The following AKIRIN2 variants were observed in gnomAD, a reference collection of about 807,000 sequenced individuals.
The protein encoded by AKIRIN2 is akirin 2.
In AKIRIN2, 6 loss-of-function variants were observed where a neutral mutation model predicts 29.3. The ratio of observed to expected loss-of-function variants is 0.20; its 90% CI spans 0.11 to 0.40. AKIRIN2 has a LOEUF of 0.40. AKIRIN2 is among the 10% of genes least tolerant of loss of function. The probability of loss-of-function intolerance (pLI) is 1.00; values close to 1 mark genes in which losing one functional copy is unlikely to be tolerated. For missense variants in AKIRIN2, 210 were observed against 276.1 expected (o/e 0.76, Z 1.70); for synonymous variants, 128 against 117.5 (o/e 1.09, Z -0.58).
At chr6:87,686,772 G>A (rs1771194264) in intron 1 of AKIRIN2, among the ~76,000 whole-genome samples, 2 of 152,072 alleles carry the variant, frequency 1.3e-5, no homozygotes, top group African/African-American at 2.4e-5. Flanking sequence ...GTGGCCGGGC[G>A]CGGTAGTTCA....
Position 87,677,982 on chromosome 6 carries a change from G to A in AKIRIN2, c.380-15C>T, listed in dbSNP as rs1349258539. ...AGATGAAGTCCCTATGTACAATGAG[G>A]ACAAAAAATAGCACCTGGTTTAGAG... is the stretch of plus-strand genomic sequence containing the variant. On this transcript the variant is annotated splice_polypyrimidine_tract_variant and intron_variant, in intron 2 of 4. Transcript: ENST00000257787. The A allele has an allele frequency of 1.3e-6, 2 of 1,597,212 alleles. No individual in the cohort carries two copies. The highest frequency in any genetic ancestry group is 1.7e-5 in the Admixed American group (1 of 57,648).
At chr6:87,686,968 C>T (rs767951049) in intron 1 of AKIRIN2, among the ~76,000 whole-genome samples, 7 of 147,950 alleles carry the variant, frequency 4.7e-5, no homozygotes, top group Admixed American at 1.4e-4. Flanking sequence ...ATTGCTTGAA[C>T]ACGGGAGGTG....
chr6:87,696,774 G>A (rs1414815667), intron 1 of AKIRIN2, among the ~76,000 whole-genome samples: 1 of 151,092 alleles, frequency 6.6e-6, no homozygotes, highest in African/African-American at 2.4e-5. Flanking sequence ...TTGGGAGGCT[G>A]AGGCAGGTGG....
At position 87,675,474 on chromosome 6, in the gene AKIRIN2, G is replaced by T; in HGVS notation, c.*123C>A. Reference sequence around the variant, plus strand: ...CTGCTGCCTAAGAGTGGTTGCCACTGACGAAAGCTTGAAATAACCTGTATT... The same window carrying T: ...CTGCTGCCTAAGAGTGGTTGCCACTTACGAAAGCTTGAAATAACCTGTATT... On this transcript the variant is annotated 3_prime_UTR_variant, in exon 5 of 5. Transcript: ENST00000257787. 1 of 1,400,706 alleles carries T rather than the reference G, an allele frequency of 7.1e-7. No individual in the cohort carries two copies. The highest frequency in any genetic ancestry group is 1.2e-5 in the South Asian group (1 of 82,872). 86.8% of individuals were successfully genotyped at this position (1,400,706 alleles called of 1,614,324 possible). A position where few individuals can be genotyped will look rare whatever the true frequency, so the allele number is the denominator to read the frequency against.
chr6:87,691,440 T>TAA (rs34981397), intron 1 of AKIRIN2, among the ~76,000 whole-genome samples: 6,807 of 84,500 alleles, frequency 0.081, 397 homozygotes, highest in African/African-American at 0.091. Flanking sequence ...AACCTCATCT[T>TAA]AAAAAAAAAA....
chr6:87,691,120 G>A (rs1771270948), intron 1 of AKIRIN2, among the ~76,000 whole-genome samples: 1 of 152,050 alleles, frequency 6.6e-6, no homozygotes, highest in Non-Finnish European at 1.5e-5. Flanking sequence ...TCTAGTGGTG[G>A]AGCGAAGGCT....
chr6:87,701,613 G>A lies in AKIRIN2; in HGVS notation c.72C>T (p.Arg24=). 6.9e-7 allele frequency: 1 copy of A among 1,451,250 alleles called. No individual in the cohort carries two copies. Among genetic ancestry groups the A allele is most frequent in the East Asian group, 2.8e-5 (1 of 36,212 alleles). 89.9% of individuals were successfully genotyped at this position (1,451,250 alleles called of 1,614,324 possible). The change falls in exon 1 of 5, where the codon CGC becomes CGT. Residue 24 remains arginine, a synonymous_variant. Transcript: ENST00000257787. Reference sequence around the variant, plus strand: ...GCGCCGACAATGGCGCACATCGCCTGCGCTTCGGGGACGCCGGGCTCAACA... The same window carrying A: ...GCGCCGACAATGGCGCACATCGCCTACGCTTCGGGGACGCCGGGCTCAACA... The part of the protein sequence containing the change: ...DPLLSPASPK[R]RRCAPLSAPT...
intron 2 of AKIRIN2, among the ~76,000 whole-genome samples, chr6:87,680,705 G>T (rs1771105848): frequency 6.6e-6 from 1 of 151,284 alleles, no homozygotes; most frequent in African/African-American, 2.4e-5. Flanking sequence ...CACTATTGAT[G>T]GCTCTCTCTC....
At chr6:87,676,147 A>G (rs112251441) in intron 3 of AKIRIN2, among the ~76,000 whole-genome samples, 1,882 of 137,226 alleles carry the variant, frequency 0.014, 41 homozygotes, top group African/African-American at 0.05. Context: ...CATAAAGGCT[A>G]GGTGAGATTT....
At chr6:87,701,295 C>A (rs1336466806) in intron 1 of AKIRIN2, among the ~76,000 whole-genome samples, 155 bp downstream of exon 1, 1 of 152,056 alleles carries the variant, frequency 6.6e-6, no homozygotes, top group Non-Finnish European at 1.5e-5. Flanking sequence ...CCTCGGGCTA[C>A]GAGGACCTAG....
At chr6:87,681,823 G>T in intron 1 of AKIRIN2, 60 bp from the exon 2 acceptor site, 1 of 1,382,848 alleles carries the variant, frequency 7.2e-7, no homozygotes, top group Non-Finnish European at 9.7e-7. Flanking sequence ...AAAGAGGTTG[G>T]CTTTCCAACA....
rs368156901 is a variant in AKIRIN2, at chr6:87,678,016, T to C, written c.380-49A>G. 36 of 1,515,794 alleles carry C rather than the reference T, an allele frequency of 2.4e-5. No individual in the cohort carries two copies. The African/African-American group carries it at 4.5e-4, about 19-fold the overall frequency. 93.9% of individuals were successfully genotyped at this position (1,515,794 alleles called of 1,614,324 possible). On this transcript the variant is annotated intron_variant, in intron 2 of 4. Transcript: ENST00000257787. The stretch of plus-strand genomic sequence containing the variant: ...TAGCACCTGGTTTAGAGCCATGATA[T>C]AAAGCAGTTTCTAAATGAAGAGGTT...
intron 2 of AKIRIN2, among the ~76,000 whole-genome samples, chr6:87,680,765 C>CA (rs200652296): frequency 0.29 from 12,948 of 44,544 alleles, 671 homozygotes; most frequent in South Asian, 0.37. Context: ...TATTCCCCGC[C>CA]CCCCCCCTTT....
intron 1 of AKIRIN2, among the ~76,000 whole-genome samples, chr6:87,686,184 C>A (rs1771182879): frequency 6.6e-6 from 1 of 152,032 alleles, no homozygotes; most frequent in Non-Finnish European, 1.5e-5. Context: ...CACTGCACTG[C>A]AGCTTGGGCA....
At chr6:87,701,266 C>T (rs1263111375) in intron 1 of AKIRIN2, among the ~76,000 whole-genome samples, 184 bp downstream of exon 1, 1 of 152,098 alleles carries the variant, frequency 6.6e-6, no homozygotes, top group Non-Finnish European at 1.5e-5. Context: ...CAGCCCATTT[C>T]TATTGTGTCT....
At chr6:87,686,099 C>CA (rs1288640163) in intron 1 of AKIRIN2, among the ~76,000 whole-genome samples, 1 of 152,006 alleles carries the variant, frequency 6.6e-6, no homozygotes, top group Non-Finnish European at 1.5e-5. Context: ...CCTGTAATCC[C>CA]AGCTACTTGG....
rs1013524840 is a variant in AKIRIN2, at chr6:87,702,029, C to T, written c.-345G>A. The T allele has an allele frequency of 2.5e-6, 1 of 403,974 alleles. No individual in the cohort carries two copies. Among genetic ancestry groups the T allele is most frequent in the Non-Finnish European group, 4.4e-6 (1 of 229,140 alleles). The allele number at this position is 403,974 out of a possible 1,614,324, so 25.0% of individuals were successfully genotyped here. A position where few individuals can be genotyped will look rare whatever the true frequency, so the allele number is the denominator to read the frequency against. On this transcript the variant is annotated 5_prime_UTR_variant, in exon 1 of 5. Coordinates refer to ENST00000257787, the MANE Select transcript of AKIRIN2 (RefSeq NM_018064.4). Reference sequence around the variant, plus strand: ...CGTCCGCTCGAGCTTTGCGCCGCGCCTGAGGCGCTTCTGTGCTGAGACTAG... The same window carrying T: ...CGTCCGCTCGAGCTTTGCGCCGCGCTTGAGGCGCTTCTGTGCTGAGACTAG...
At chr6:87,694,901 C>T (rs185867735) in intron 1 of AKIRIN2, among the ~76,000 whole-genome samples, 1 of 151,998 alleles carries the variant, frequency 6.6e-6, no homozygotes, top group African/African-American at 2.4e-5. Flanking sequence ...GATTAATAGG[C>T]CCAAAATAAA....
chr6:87,686,152 T>C (rs1003212116), intron 1 of AKIRIN2, among the ~76,000 whole-genome samples: 1 of 152,000 alleles, frequency 6.6e-6, no homozygotes, highest in East Asian at 1.9e-4. Flanking sequence ...GAGGAAGAGG[T>C]TGCAGTGAGC....
Sources: gnomAD v4.1 joint callset for allele counts (sites outside exome capture counted in the v4.1 genomes callset) on GRCh38, gnomAD v4.1.1 for gene constraint, MANE v1.5 for transcripts, NCBI Gene and HGNC (gene_info 2026-07-23, HGNC 2026-07-21) for gene names.